CCDC186: variants seen among roughly 807,000 people sequenced by gnomAD.
The protein encoded by CCDC186 is coiled-coil domain containing 186.
A neutral mutation model predicts 113.7 loss-of-function variants in CCDC186; 49 were observed. The ratio of observed to expected loss-of-function variants is 0.43; its 90% CI spans 0.34 to 0.55. The LOEUF is 0.55. CCDC186 is among the 20% of genes least tolerant of loss of function. CCDC186 has a pLI of 0.02. For missense variants in CCDC186, 890 were observed against 1,011.1 expected (o/e 0.88, Z 1.62); for synonymous variants, 355 against 345.8 (o/e 1.03, Z -0.30).
rs1322927524 is a variant in CCDC186, at chr10:114,136,199, G to A, written c.1374C>T (p.Val458=). 5 of 1,612,832 alleles carry A rather than the reference G, an allele frequency of 3.1e-6. No homozygotes were observed. Among genetic ancestry groups the A allele is most frequent in the Admixed American group, 1.7e-5 (1 of 60,008 alleles). The change falls in exon 8 of 16, where the codon GTC becomes GTT. Residue 458 remains valine, a synonymous_variant. Transcript: ENST00000369287. The part of the protein sequence containing the change: ...KSNELDAKLR[V]TKGELEKQMQ... ...TTTGTTTTTCAAGTTCTCCTTTTGT[G>A]ACTCTAAGCTTTGCATCAAGCTCAT...
Position 114,145,145 on chromosome 10 carries a change from T to A in CCDC186, c.1101+404A>T, listed in dbSNP as rs574209275. Among the ~76,000 whole-genome samples the A allele has an allele frequency of 1.5e-3, 230 of 152,210 alleles. 1 individual carries two copies. The highest frequency in any genetic ancestry group is 6.8e-3 in the Middle Eastern group (2 of 294). ...GAAAAACATAAATTTTCTTCTATGG[T>A]GATGTGTTATATTAAGATTATATCA... On this transcript the variant is annotated intron_variant, in intron 5 of 15. Transcript: ENST00000369287.
intron 3 of CCDC186, among the ~76,000 whole-genome samples, chr10:114,151,761 C>G (rs1259568534): frequency 6.6e-6 from 1 of 152,136 alleles, no homozygotes; most frequent in East Asian, 1.9e-4. Flanking sequence ...TTGTGTGCAG[C>G]AACACTTAGC....
At position 114,132,183 on chromosome 10, in the gene CCDC186, C is replaced by G; in HGVS notation, c.1657G>C (p.Gly553Arg). ...ADQLQEQLQR[G>R]KQEIENLKEE... ...TTCAAATTTTCAATTTCTTGCTTAC[C>G]TCTAAAACACAAAATTTATATTTAA... Residue 553 changes from glycine to arginine, a missense_variant and splice_region_variant, in exon 11 of 16, where the codon GGT (glycine) becomes CGT (arginine). Coordinates refer to ENST00000369287, the MANE Select transcript of CCDC186 (RefSeq NM_018017.4). The G allele has an allele frequency of 6.4e-7, 1 of 1,552,386 alleles. No homozygotes were observed. The highest frequency in any genetic ancestry group is 2.3e-5 in the East Asian group (1 of 44,022).
intron 3 of CCDC186, among the ~76,000 whole-genome samples, chr10:114,153,062 T>A (rs2031902392): frequency 2.6e-5 from 4 of 152,144 alleles, no homozygotes; most frequent in African/African-American, 9.7e-5. Flanking sequence ...TAAATAGAAT[T>A]AGGCAGAAAA....
intron 1 of CCDC186, among the ~76,000 whole-genome samples, chr10:114,166,203 A>C (rs1250698358): frequency 6.6e-6 from 1 of 152,174 alleles, no homozygotes; most frequent in Non-Finnish European, 1.5e-5. Flanking sequence ...CAGTTGTACT[A>C]CTTTTCCATT....
At position 114,157,607 on chromosome 10, in the gene CCDC186, C is replaced by T. The variant is rs1233995820; in HGVS notation, c.706G>A (p.Glu236Lys). Residue 236 changes from glutamate (E) to lysine (K), a missense_variant, in exon 3 of 16, where the codon GAA (glutamate) becomes AAA (lysine). By Grantham distance (56) the Glu-to-Lys change is moderately conservative. Transcript: ENST00000369287. Reference sequence around the variant, plus strand: ...TCAGTTTCTGTTCTTTTCTTTAGTTCTTCTCTTAAATTGTCTTTTTCTGAA... The same window carrying T: ...TCAGTTTCTGTTCTTTTCTTTAGTTTTTCTCTTAAATTGTCTTTTTCTGAA... ...ICSEKDNLRE[E>K]LKKRTETEKQ... The T allele has an allele frequency of 8.7e-6, 14 of 1,610,104 alleles. No homozygotes were observed. The highest frequency in any genetic ancestry group is 1.1e-5 in the Non-Finnish European group (13 of 1,178,682).
intron 1 of CCDC186, among the ~76,000 whole-genome samples, chr10:114,166,376 G>A (rs2032336725): frequency 6.6e-6 from 1 of 152,152 alleles, no homozygotes; most frequent in Non-Finnish European, 1.5e-5. Flanking sequence ...TATGTTTAAA[G>A]GACCAATTCT....
intron 3 of CCDC186, among the ~76,000 whole-genome samples, chr10:114,152,141 G>C (rs1448503404): frequency 2.6e-5 from 4 of 152,118 alleles, no homozygotes; most frequent in Non-Finnish European, 4.4e-5. Context: ...AGGAGTTCAA[G>C]ACCAGCATGG....
intron 13 of CCDC186, among the ~76,000 whole-genome samples, chr10:114,129,534 CTATT>C (rs1248865188): frequency 4.6e-5 from 7 of 151,828 alleles, no homozygotes; most frequent in African/African-American, 1.5e-4. Flanking sequence ...ATAAAAAATG[CTATT>C]TATTTATTTA....
At chr10:114,164,610 T>C (rs2032282338) in intron 1 of CCDC186, among the ~76,000 whole-genome samples, 1 of 152,180 alleles carries the variant, frequency 6.6e-6, no homozygotes, top group South Asian at 2.1e-4. Context: ...ACTGAAACCA[T>C]GTGAGGTTAG....
At chr10:114,132,300 C>A in intron 10 of CCDC186, 116 bp from the exon 11 acceptor site, 1 of 758,240 alleles carries the variant, frequency 1.3e-6, no homozygotes, top group Non-Finnish European at 1.9e-6. Context: ...TTCATTCATC[C>A]AAATATTTAT....
intron 4 of CCDC186, among the ~76,000 whole-genome samples, chr10:114,148,220 T>C (rs544615053): frequency 1.6e-4 from 25 of 152,332 alleles, no homozygotes; most frequent in African/African-American, 5.5e-4. Context: ...GGGTCATCCA[T>C]AGATCAACTG....
intron 6 of CCDC186, 92 bp downstream of exon 6, chr10:114,144,405 G>A (rs1405980444): frequency 4.9e-6 from 7 of 1,436,314 alleles, no homozygotes; most frequent in Non-Finnish European, 5.6e-6. Flanking sequence ...TAATCTGAAA[G>A]AGCGAGACTC....
chr10:114,122,529 G>A lies in CCDC186; in HGVS notation c.*2614C>T, dbSNP rs1028334965. On this transcript the variant is annotated 3_prime_UTR_variant, in exon 16 of 16. Transcript: ENST00000369287. ...TCCAGCTCAAATAAACCACAATATT[G>A]ATACATAACCAAAACAGCCTTGATA... 4 of 152,066 alleles carry A rather than the reference G, an allele frequency of 2.6e-5. No homozygotes were observed. Among genetic ancestry groups the A allele is most frequent in the Non-Finnish European group, 5.9e-5 (4 of 67,994 alleles). 9.4% of individuals were successfully genotyped at this position (152,066 alleles called of 1,614,324 possible).
rs112050768 is a variant in CCDC186, at chr10:114,127,271, C to CAT, written c.2393+189_2393+190insAT. Among the ~76,000 whole-genome samples, 1,295 of 152,250 alleles carry CAT rather than the reference C, an allele frequency of 8.5e-3. 20 individuals are homozygous for CAT. Among genetic ancestry groups the CAT allele is most frequent in the African/African-American group, 0.029 (1,207 of 41,558 alleles). ...ACTCTCTATCACCTTAAAGGAAAGA[C>CAT]GTGTTTTATTTCATCTTAGTATTCA... On this transcript the variant is annotated intron_variant, in intron 14 of 15. Coordinates refer to ENST00000369287, the MANE Select transcript of CCDC186 (RefSeq NM_018017.4).
chr10:114,167,015 G>GA (rs2032353260), intron 1 of CCDC186, among the ~76,000 whole-genome samples: 1 of 127,266 alleles, frequency 7.9e-6, no homozygotes. Context: ...TTGCAAGCTG[G>GA]TTTTTTTTTT....
intron 9 of CCDC186, among the ~76,000 whole-genome samples, chr10:114,135,581 C>T (rs917016636): frequency 6.6e-6 from 1 of 152,102 alleles, no homozygotes; most frequent in Non-Finnish European, 1.5e-5. Flanking sequence ...GTTCTAAGGT[C>T]CAACTATCTT....
intron 3 of CCDC186, among the ~76,000 whole-genome samples, chr10:114,151,587 G>A (rs979791890): frequency 4.0e-5 from 6 of 151,694 alleles, no homozygotes; most frequent in Non-Finnish European, 1.5e-5. Context: ...TCAATTGCAT[G>A]CCATTCTGAG....
Position 114,127,540 on chromosome 10 carries a change from G to A in CCDC186, c.2314C>T (p.His772Tyr), listed in dbSNP as rs750628801. The change falls in exon 14 of 16, where the codon CAT (histidine) becomes TAT (tyrosine). Residue 772 changes from histidine (H) to tyrosine (Y), a missense_variant. His to Tyr is a moderately conservative substitution (Grantham distance 83). Transcript: ENST00000369287. ...TCTATCTTTTCATTTTTCCGGGCAT[G>A]TGCTTTTTGCAGCCTAACTATTCTC... is the stretch of plus-strand genomic sequence containing the variant. ...IERIVRLQKA[H>Y]ARKNEKIEFM... The A allele has an allele frequency of 1.9e-6, 3 of 1,613,974 alleles. No individual in the cohort carries two copies. The highest frequency in any genetic ancestry group is 2.5e-6 in the Non-Finnish European group (3 of 1,179,970).
Sources: gnomAD v4.1 joint callset for allele counts (sites outside exome capture counted in the v4.1 genomes callset) on GRCh38, gnomAD v4.1.1 for gene constraint, MANE v1.5 for transcripts, NCBI Gene and HGNC (gene_info 2026-07-23, HGNC 2026-07-21) for gene names.